SYTL4: variants seen among roughly 807,000 people sequenced by gnomAD.
SYTL4 encodes the protein synaptotagmin-like protein 4.
A neutral mutation model predicts 52.7 loss-of-function variants in SYTL4; 16 were observed. That is an observed-to-expected ratio of 0.30 (90% CI 0.21 to 0.46). The LOEUF is 0.46. SYTL4 is among the 20% of genes least tolerant of loss of function. SYTL4 has a pLI of 1.00. For synonymous variants in SYTL4, 160 were observed against 186.6 expected, an observed-to-expected ratio of 0.86 and a Z score of 1.16; for missense variants, 423 against 519.9, an observed-to-expected ratio of 0.81 and a Z score of 1.81.
At chrX:100,700,833 A>G in intron 8 of SYTL4, 64 bp downstream of exon 8, 1 of 867,313 alleles carries the variant, frequency 1.2e-6, no homozygotes, top group Non-Finnish European at 1.7e-6. Context: ...AAGAAGTAAA[A>G]AGAATAGTAA....
chrX:100,689,951 T>G lies in SYTL4; in HGVS notation c.817A>C (p.Lys273Gln). Reference protein sequence around the residue: ...RKILRPSEYTKSVIDLRPEDV... With the variant: ...RKILRPSEYTQSVIDLRPEDV... ...TCTGGGCGAAGATCTATCACAGATT[T>G]AGTGTACTCTGAGGGGAAGACCAAA... Residue 273 changes from lysine to glutamine, a missense_variant, in exon 12 of 20, where the codon AAA becomes CAA. Physicochemically the swap from Lys to Gln is moderately conservative, Grantham distance 53 (BLOSUM62 1). Coordinates refer to ENST00000372989, the MANE Select transcript of SYTL4 (RefSeq NM_001370165.1). 8.3e-7 allele frequency: 1 copy of G among 1,201,419 alleles called. No individual in the cohort carries two copies. The highest frequency in any genetic ancestry group is 1.1e-6 in the Non-Finnish European group (1 of 887,141).
intron 14 of SYTL4, 89 bp from the exon 15 acceptor site, chrX:100,686,870 T>A: frequency 2.3e-6 from 2 of 852,430 alleles, no homozygotes; most frequent in Non-Finnish European, 3.4e-6. Flanking sequence ...TATGCCATGG[T>A]GACATGTGAT....
At chrX:100,725,210 T>C (rs2084491633) in intron 2 of SYTL4, among the ~76,000 whole-genome samples, 1 of 111,497 alleles carries the variant, frequency 9.0e-6, no homozygotes, top group Admixed American at 9.5e-5. Context: ...GGAATGGCCG[T>C]AGAGACTAGG....
In SYTL4 at chrX:100,702,062, T is replaced by G; in HGVS notation, c.-25A>C. The G allele has an allele frequency of 9.1e-7, 1 of 1,093,881 alleles. No individual in the cohort carries two copies. Among genetic ancestry groups the G allele is most frequent in the African/African-American group, 1.8e-5 (1 of 55,262 alleles). The allele number at this position is 1,093,881 out of a possible 1,213,427, so 90.1% of individuals were successfully genotyped here. A position where few individuals can be genotyped will look rare whatever the true frequency, so the allele number is the denominator to read the frequency against. The stretch of plus-strand genomic sequence containing the variant: ...TGATTTACTCAACTTTTTCTTCTAC[T>G]CTTCTTTCTTCAAAACAACCAGACA... On this transcript the variant is annotated 5_prime_UTR_variant, in exon 5 of 20. Transcript: ENST00000372989.
chrX:100,726,135 C>T (rs1027097466), intron 2 of SYTL4, among the ~76,000 whole-genome samples: 5 of 108,316 alleles, frequency 4.6e-5, no homozygotes, highest in African/African-American at 1.7e-4. Flanking sequence ...AGATTGTCCA[C>T]ACTCTGTTCC....
chrX:100,688,180 T>C, intron 13 of SYTL4, 171 bp downstream of exon 13: 1 of 414,287 alleles, frequency 2.4e-6, no homozygotes, highest in Non-Finnish European at 4.2e-6. Flanking sequence ...CACCTAGATG[T>C]ACACTAAGCA....
chrX:100,686,180 G>C, intron 15 of SYTL4, 29 bp from the exon 16 acceptor site: 1 of 1,175,842 alleles, frequency 8.5e-7, no homozygotes, highest in Non-Finnish European at 1.1e-6. Context: ...AGCCCAAGAT[G>C]ATTAGTTAAG....
chrX:100,720,375 T>C (rs1398578840), intron 2 of SYTL4, among the ~76,000 whole-genome samples: 1 of 112,361 alleles, frequency 8.9e-6, no homozygotes, highest in Non-Finnish European at 1.9e-5. Context: ...GTACAAAACA[T>C]TTTTAAGTCC....
At chrX:100,690,441 G>A (rs2083571890) in intron 10 of SYTL4, 122 bp downstream of exon 10, 1 of 344,027 alleles carries the variant, frequency 2.9e-6, no homozygotes, top group Non-Finnish European at 4.8e-6. Flanking sequence ...AGGGAGGGAG[G>A]GAAGAAAGAG....
intron 2 of SYTL4, among the ~76,000 whole-genome samples, chrX:100,730,868 A>G (rs1308688751): frequency 1.9e-5 from 2 of 107,893 alleles, no homozygotes; most frequent in Admixed American, 9.9e-5. Flanking sequence ...TTGTTCCCAC[A>G]GCGACAAAAG....
At chrX:100,713,630 A>G in intron 2 of SYTL4, among the ~76,000 whole-genome samples, 1 of 109,645 alleles carries the variant, frequency 9.1e-6, no homozygotes, top group Non-Finnish European at 1.9e-5. Context: ...GGGGGAAAAA[A>G]AAAAGCATAT....
intron 16 of SYTL4, 64 bp downstream of exon 16, chrX:100,685,926 G>C (rs1333249389): frequency 9.4e-7 from 1 of 1,067,147 alleles, no homozygotes; most frequent in African/African-American, 1.9e-5. Flanking sequence ...ACATAGACCA[G>C]CAGAGGCTAC....
chrX:100,678,068 C>T (rs959600134), intron 19 of SYTL4, among the ~76,000 whole-genome samples: 1 of 111,027 alleles, frequency 9.0e-6, no homozygotes, highest in Non-Finnish European at 1.9e-5. Context: ...AGCAATGACC[C>T]TTCTTTCATT....
chrX:100,693,580 CCTG>C (rs1405336061), intron 8 of SYTL4, among the ~76,000 whole-genome samples: 1 of 111,935 alleles, frequency 8.9e-6, no homozygotes, highest in African/African-American at 3.3e-5. Context: ...CCTAACTAAT[CCTG>C]CTTCTTCCCT....
intron 2 of SYTL4, among the ~76,000 whole-genome samples, chrX:100,720,400 C>T (rs1197001932): frequency 8.9e-6 from 1 of 112,456 alleles, no homozygotes; most frequent in Non-Finnish European, 1.9e-5. Flanking sequence ...AGAGCTGACA[C>T]ATTGTTATTT....
chrX:100,709,319 C>T (rs1219296774), intron 2 of SYTL4, among the ~76,000 whole-genome samples: 1 of 103,594 alleles, frequency 9.7e-6, no homozygotes, highest in Admixed American at 1.0e-4. Flanking sequence ...ATGGTGAAAC[C>T]CTGTCTCTAC....
intron 2 of SYTL4, among the ~76,000 whole-genome samples, chrX:100,723,277 G>A (rs999652774): frequency 3.6e-5 from 4 of 111,739 alleles, no homozygotes; most frequent in Admixed American, 9.4e-5. Context: ...GCGCCGCCAC[G>A]CCTGACTGGT....
intron 7 of SYTL4, 45 bp from the exon 8 acceptor site, chrX:100,701,044 G>A: frequency 1.9e-6 from 2 of 1,064,957 alleles, no homozygotes; most frequent in Non-Finnish European, 2.6e-6. Context: ...TTATGAGTAG[G>A]GGAAAAAGGA....
rs1221260076 is a variant in SYTL4 at position 100,699,484 on chromosome X, T to A, written c.539+1413A>T. On this transcript the variant is annotated intron_variant, in intron 8 of 19. Coordinates refer to ENST00000372989, the MANE Select transcript of SYTL4 (RefSeq NM_001370165.1). The stretch of plus-strand genomic sequence containing the variant: ...TGAATGTTCATAGCAGCATTACTCT[T>A]TTTTTTTTTTTTTTTTTTTTTTTGA... Among the ~76,000 whole-genome samples the A allele has an allele frequency of 3.3e-3, 194 of 59,580 alleles. 12 individuals carry two copies. The highest frequency in any genetic ancestry group is 0.02 in the East Asian group (44 of 2,175). 51.7% of individuals were successfully genotyped at this position (59,580 alleles called of 115,157 possible).
Sources: allele counts gnomAD v4.1 joint callset (sites outside exome capture counted in the v4.1 genomes callset), GRCh38; gene constraint gnomAD v4.1.1; transcripts MANE v1.5; gene names NCBI Gene and HGNC (gene_info 2026-07-23, HGNC 2026-07-21).